The following GHR variants were observed in gnomAD, a reference collection of about 807,000 sequenced individuals.
GHR encodes the protein growth hormone receptor.
Under a neutral mutation model 67.1 loss-of-function variants are expected in GHR, and 35 were observed. The observed-to-expected ratio is 0.52, with a 90% CI of 0.40 to 0.69. The LOEUF (loss-of-function observed/expected upper bound fraction) is 0.69, where lower values mean the gene tolerates loss of function less well. Among genes scored for constraint, GHR ranks in the 30% least tolerant of loss-of-function variants. The pLI is 0.00. For missense variants in GHR, 792 were observed against 764.6 expected (o/e 1.04, Z -0.42); for synonymous variants, 272 against 269.1 (o/e 1.01, Z -0.10).
intron 8 of GHR, chr5:42,715,066 A>G (rs1386012929): frequency 2.6e-6 from 1 of 381,454 alleles, no homozygotes; most frequent in East Asian, 8.9e-5. Flanking sequence ...TATTACTTCT[A>G]ATACAGTGCT....
At chr5:42,447,058 G>T (rs1430892570) in intron 1 of GHR, among the ~76,000 whole-genome samples, 2 of 152,132 alleles carry the variant, frequency 1.3e-5, no homozygotes, top group African/African-American at 4.8e-5. Flanking sequence ...TAATGAAATT[G>T]GTTCTTGTGA....
chr5:42,524,691 A>G (rs1747628253), intron 1 of GHR, among the ~76,000 whole-genome samples: 4 of 152,210 alleles, frequency 2.6e-5, no homozygotes, highest in Admixed American at 1.3e-4. Context: ...CAGACCTCCC[A>G]TCACAGACCC....
chr5:42,573,850 T>A (rs571775057), intron 2 of GHR, among the ~76,000 whole-genome samples: 1 of 152,218 alleles, frequency 6.6e-6, no homozygotes, highest in Admixed American at 6.5e-5. Flanking sequence ...AATGATACTT[T>A]GTGTATTTTT....
intron 2 of GHR, among the ~76,000 whole-genome samples, chr5:42,579,134 G>GATGATAGAT (rs1561138871): frequency 6.0e-4 from 35 of 58,616 alleles, no homozygotes; most frequent in Middle Eastern, 8.8e-3. Flanking sequence ...TAGATAGATA[G>GATGATAGAT]ATAGATGATA....
chr5:42,622,202 A>C (rs1753481759), intron 2 of GHR, among the ~76,000 whole-genome samples: 1 of 152,128 alleles, frequency 6.6e-6, no homozygotes, highest in Admixed American at 6.5e-5. Flanking sequence ...TTCTTTGAGA[A>C]TTGATCCCTG....
At chr5:42,706,000 A>C (rs1164543426) in intron 6 of GHR, among the ~76,000 whole-genome samples, 1 of 152,070 alleles carries the variant, frequency 6.6e-6, no homozygotes, top group African/African-American at 2.4e-5. Context: ...AACTAATTTG[A>C]ATTATTACCA....
chr5:42,476,900 A>G (rs1745351962), intron 1 of GHR, among the ~76,000 whole-genome samples: 1 of 152,088 alleles, frequency 6.6e-6, no homozygotes, highest in African/African-American at 2.4e-5. Flanking sequence ...TTATTATAAT[A>G]CTTTAAGTTT....
At chr5:42,458,555 C>T (rs869118021) in intron 1 of GHR, among the ~76,000 whole-genome samples, 2 of 152,010 alleles carry the variant, frequency 1.3e-5, no homozygotes, top group Admixed American at 6.6e-5. Context: ...ATGGCATTCT[C>T]GACATAGGAC....
At chr5:42,683,664 G>T (rs1051916258) in intron 3 of GHR, among the ~76,000 whole-genome samples, 1 of 152,144 alleles carries the variant, frequency 6.6e-6, no homozygotes, top group Admixed American at 6.5e-5. Flanking sequence ...AAGAGAGAAG[G>T]AGGGTGCAGG....
chr5:42,705,039 G>A (rs1403662806), intron 6 of GHR, among the ~76,000 whole-genome samples: 6 of 152,074 alleles, frequency 3.9e-5, no homozygotes, highest in African/African-American at 1.4e-4. Flanking sequence ...CCATGATCAA[G>A]TAGGATTTAT....
intron 3 of GHR, among the ~76,000 whole-genome samples, chr5:42,630,604 C>T (rs1753886914): frequency 7.6e-6 from 1 of 132,210 alleles, no homozygotes; most frequent in Non-Finnish European, 1.6e-5. Context: ...GTTTAAGAAG[C>T]ATCTGACATG....
intron 2 of GHR, among the ~76,000 whole-genome samples, chr5:42,576,113 TAA>T (rs1299395786): frequency 2.5e-5 from 2 of 81,198 alleles, no homozygotes; most frequent in African/African-American, 1.2e-4. Context: ...TAAAATAAAA[TAA>T]AATAAAATAA....
chr5:42,552,659 T>C (rs779094022), intron 1 of GHR, among the ~76,000 whole-genome samples: 3 of 152,196 alleles, frequency 2.0e-5, no homozygotes, highest in Non-Finnish European at 4.4e-5. Flanking sequence ...TTGTTCTCTA[T>C]GGCACTGTCA....
chr5:42,542,144 G>T (rs1748543509), intron 1 of GHR, among the ~76,000 whole-genome samples: 1 of 152,142 alleles, frequency 6.6e-6, no homozygotes, highest in African/African-American at 2.4e-5. Context: ...TCAATGCTAA[G>T]TGGTTGGGAA....
At chr5:42,657,017 G>A (rs1755291253) in intron 3 of GHR, among the ~76,000 whole-genome samples, 2 of 152,022 alleles carry the variant, frequency 1.3e-5, no homozygotes, top group Admixed American at 6.6e-5. Context: ...CCTGAACATG[G>A]TCTTAATCTT....
chr5:42,616,677 G>GA lies in GHR; in HGVS notation c.71-12347dup, dbSNP rs11333795. 7.3e-4 allele frequency among the ~76,000 whole-genome samples: 103 copies of GA among 141,216 alleles called. 1 individual carries two copies. The highest frequency in any genetic ancestry group is 3.5e-3 in the East Asian group (16 of 4,608). 92.6% of individuals were successfully genotyped at this position (141,216 alleles called of 152,430 possible). On this transcript the variant is annotated intron_variant, in intron 2 of 9. Coordinates refer to ENST00000230882, the MANE Select transcript of GHR (RefSeq NM_000163.5). ...ACTCGATGAGATTCCCTTTGCAGGG[G>GA]AAAAAAAAAAAAAAGCTAGAATATT...
At chr5:42,443,865 A>G (rs770326774) in intron 1 of GHR, among the ~76,000 whole-genome samples, 1 of 152,026 alleles carries the variant, frequency 6.6e-6, no homozygotes, top group Non-Finnish European at 1.5e-5. Context: ...TTTTAATATC[A>G]TCTAAGAACA....
chr5:42,483,029 C>T (rs1256413143), intron 1 of GHR, among the ~76,000 whole-genome samples: 3 of 152,160 alleles, frequency 2.0e-5, no homozygotes, highest in Admixed American at 1.3e-4. Flanking sequence ...GGCTCCTCCC[C>T]CAGATCACAC....
intron 3 of GHR, among the ~76,000 whole-genome samples, chr5:42,663,002 G>T (rs1253639267): frequency 6.6e-6 from 1 of 152,142 alleles, no homozygotes; most frequent in South Asian, 2.1e-4. Context: ...TAGAAGAAAT[G>T]GATAAATTCC....
Sources: gnomAD v4.1 joint callset for allele counts (sites outside exome capture counted in the v4.1 genomes callset) on GRCh38, gnomAD v4.1.1 for gene constraint, MANE v1.5 for transcripts, NCBI Gene and HGNC (gene_info 2026-07-23, HGNC 2026-07-21) for gene names.